Variants in MYO16 observed in about 807,000 individuals in gnomAD.
MYO16 encodes myosin XVI, also known as unconventional myosin-XVI.
Under a neutral mutation model 205.3 loss-of-function variants are expected in MYO16, and 94 were observed. The ratio of observed to expected loss-of-function variants is 0.46; its 90% CI spans 0.39 to 0.54. The LOEUF is 0.54. Ranked by LOEUF, MYO16 falls within the 20% of genes least tolerant of loss-of-function variation. The pLI is 0.00. For synonymous variants in MYO16, 988 were observed against 954.0 expected, an observed-to-expected ratio of 1.04 and a Z score of -0.66; for missense variants, 2,315 against 2,387.5, an observed-to-expected ratio of 0.97 and a Z score of 0.63.
chr13:108,893,124 C>T (rs149113481), intron 14 of MYO16, among the ~76,000 whole-genome samples: 147 of 152,270 alleles, frequency 9.7e-4, no homozygotes, highest in Middle Eastern at 3.4e-3. Context: ...CCCTTTAGAT[C>T]ATTATCCACA....
intron 31 of MYO16, among the ~76,000 whole-genome samples, chr13:109,136,088 T>G (rs1475614834): frequency 6.6e-6 from 1 of 151,692 alleles, no homozygotes; most frequent in Non-Finnish European, 1.5e-5. Flanking sequence ...TTTCCTTCCT[T>G]CCTTCCTTCC....
At chr13:108,615,502 T>C (rs1879318433) in intron 1 of MYO16, among the ~76,000 whole-genome samples, 1 of 152,020 alleles carries the variant, frequency 6.6e-6, no homozygotes, top group South Asian at 2.1e-4. Context: ...TGAACATGAA[T>C]GAATATTCAT....
the MYO16 span, among the ~76,000 whole-genome samples, chr13:108,528,560 T>TCCCCTCC: frequency 7.5e-6 from 1 of 132,494 alleles, no homozygotes; most frequent in African/African-American, 3.3e-5. Context: ...TCCTCTCCTC[T>TCCCCTCC]CCTCTCCTCT....
intron 1 of MYO16, among the ~76,000 whole-genome samples, chr13:108,660,405 G>A (rs992907303): frequency 6.6e-6 from 1 of 152,112 alleles, no homozygotes; most frequent in Non-Finnish European, 1.5e-5. Context: ...TTGTGTTGCT[G>A]TCTAATTTCT....
chr13:109,082,918 GAAT>G (rs1342437456), intron 27 of MYO16, among the ~76,000 whole-genome samples: 1 of 152,120 alleles, frequency 6.6e-6, no homozygotes, highest in Non-Finnish European at 1.5e-5. Flanking sequence ...ATATGCGTAT[GAAT>G]ATAAGAATAT....
intron 4 of MYO16, among the ~76,000 whole-genome samples, chr13:108,733,364 G>T (rs952601138): frequency 3.9e-5 from 6 of 152,154 alleles, no homozygotes; most frequent in Admixed American, 2.0e-4. Flanking sequence ...TATTATGAAA[G>T]TGCCAGCGTT....
intron 2 of MYO16, among the ~76,000 whole-genome samples, chr13:108,685,662 C>A (rs942530051): frequency 1.3e-5 from 2 of 152,176 alleles, no homozygotes; most frequent in Non-Finnish European, 2.9e-5. Flanking sequence ...TATGGCTGCC[C>A]AGACTGCTAT....
intron 23 of MYO16, among the ~76,000 whole-genome samples, chr13:109,034,052 A>G (rs544246852): frequency 6.6e-6 from 1 of 152,222 alleles, no homozygotes; most frequent in South Asian, 2.1e-4. Context: ...TTCGAGAGCA[A>G]ATGGGCGTAC....
At chr13:109,091,612 C>A (rs1423752075) in intron 27 of MYO16, among the ~76,000 whole-genome samples, 1 of 152,182 alleles carries the variant, frequency 6.6e-6, no homozygotes, top group Non-Finnish European at 1.5e-5. Flanking sequence ...CACTGGCGAC[C>A]GCATTTCCAA....
chr13:108,825,895 G>C (rs564310182), intron 9 of MYO16, among the ~76,000 whole-genome samples: 9 of 151,492 alleles, frequency 5.9e-5, no homozygotes, highest in Non-Finnish European at 1.3e-4. Flanking sequence ...CAAAATACAA[G>C]AAAATTTAAG....
At position 109,055,326 on chromosome 13, in the gene MYO16, C is replaced by T; in HGVS notation, c.3130-64C>T. On this transcript the variant is annotated intron_variant, in intron 26 of 34. Transcript: ENST00000457511. The surrounding 1 kb of genome is among the most constrained non-coding windows in gnomAD (Gnocchi z 5.0). ...GACGTAAAGACTTTTTATTTAAAAA[C>T]TGCTTTATATTTTTAGCTAGTGTCT... The T allele has an allele frequency of 1.5e-6, 2 of 1,345,316 alleles. No individual in the cohort carries two copies. Among genetic ancestry groups the T allele is most frequent in the Non-Finnish European group, 2.1e-6 (2 of 971,848 alleles). 83.3% of individuals were successfully genotyped at this position (1,345,316 alleles called of 1,614,324 possible).
rs561500833 is a variant in MYO16, at chr13:108,968,010, T to G, written c.2369+3108T>G. Among the ~76,000 whole-genome samples, 154 of 152,338 alleles carry G rather than the reference T, an allele frequency of 1.0e-3. 1 individual carries two copies. The highest frequency in any genetic ancestry group is 3.4e-3 in the Middle Eastern group (1 of 294). On this transcript the variant is annotated intron_variant, in intron 20 of 34. Transcript: ENST00000457511. ...TTATGACTTCTAAAATAAAGGATAT[T>G]GCATATCATTTACATTTGTATGCGA...
intron 14 of MYO16, among the ~76,000 whole-genome samples, chr13:108,890,965 C>A (rs1428311630): frequency 6.6e-6 from 1 of 152,186 alleles, no homozygotes; most frequent in Non-Finnish European, 1.5e-5. Context: ...CTTTCTCACT[C>A]CACAAGCATC....
At position 109,022,598 on chromosome 13, in the gene MYO16, C is replaced by A. The variant is rs188333237; in HGVS notation, c.2796+2687C>A. Among the ~76,000 whole-genome samples, 156 of 129,180 alleles carry A rather than the reference C, an allele frequency of 1.2e-3. 3 individuals are homozygous for A. The highest frequency in any genetic ancestry group is 4.6e-3 in the African/African-American group (153 of 33,108). 84.7% of individuals were successfully genotyped at this position (129,180 alleles called of 152,430 possible). On this transcript the variant is annotated intron_variant, in intron 23 of 34. Transcript: ENST00000457511. ...AAACATATGTATATATTTCTATATT[C>A]TATATACGCATATAAACATATGTAT...
intron 15 of MYO16, among the ~76,000 whole-genome samples, chr13:108,898,362 G>A (rs895724577): frequency 1.3e-5 from 2 of 150,382 alleles, no homozygotes; most frequent in South Asian, 4.2e-4. Context: ...GTGTGTGTGT[G>A]TGTGTGTGTG....
intron 16 of MYO16, among the ~76,000 whole-genome samples, chr13:108,929,429 A>C (rs1223086800): frequency 6.6e-6 from 1 of 152,218 alleles, no homozygotes; most frequent in Non-Finnish European, 1.5e-5. Flanking sequence ...AATAATAACA[A>C]AAAGCAGGTA....
At chr13:108,807,445 C>T (rs188793064) in intron 7 of MYO16, among the ~76,000 whole-genome samples, 1 of 152,156 alleles carries the variant, frequency 6.6e-6, no homozygotes, top group East Asian at 1.9e-4. Context: ...GACAGCACCT[C>T]CTGTAAAAAA....
Position 108,599,423 on chromosome 13 carries a change from T to A in MYO16, c.-39+3184T>A, listed in dbSNP as rs546038448. Among the ~76,000 whole-genome samples, 15 of 152,154 alleles carry A rather than the reference T, an allele frequency of 9.9e-5. No homozygotes were observed. In the South Asian group the frequency reaches 3.1e-3, roughly 32 times the overall value. ...ATCCCTGAGGAATCGCCACACTGAC[T>A]TCCACAATGGTTGAACTAGTTTACC... On this transcript the variant is annotated intron_variant, in intron 1 of 24. Coordinates refer to the MYO16 transcript ENST00000251041.
intron 3 of MYO16, among the ~76,000 whole-genome samples, chr13:108,722,157 G>C (rs372907448): frequency 6.6e-6 from 1 of 152,156 alleles, no homozygotes; most frequent in African/African-American, 2.4e-5. Flanking sequence ...GGAGCTTGGG[G>C]ACCTGGCTCC....
Sources: gnomAD v4.1 joint callset for allele counts (sites outside exome capture counted in the v4.1 genomes callset) on GRCh38, gnomAD v4.1.1 for gene constraint, Gnocchi (gnomAD v3.1) non-coding constraint, MANE v1.5 for transcripts, NCBI Gene and HGNC (gene_info 2026-07-23, HGNC 2026-07-21) for gene names.